Variants in EIF4G3 observed in about 807,000 individuals in gnomAD.
EIF4G3 encodes the protein eIF-4-gamma 3.
EIF4G3 carries 34 observed loss-of-function variants against 186.4 expected under a neutral mutation model. The ratio of observed to expected loss-of-function variants is 0.18; its 90% CI spans 0.14 to 0.24. The LOEUF (loss-of-function observed/expected upper bound fraction) is 0.24. EIF4G3 is among the 10% of genes least tolerant of loss of function. EIF4G3 has a pLI of 1.00. For missense variants in EIF4G3, 1,536 were observed against 1,948.5 expected (o/e 0.79, Z 3.99); for synonymous variants, 673 against 679.5 (o/e 0.99, Z 0.15).
At chr1:20,817,144 C>T (rs1163595488) in intron 34 of EIF4G3, among the ~76,000 whole-genome samples, 1 of 140,256 alleles carries the variant, frequency 7.1e-6, no homozygotes, top group Non-Finnish European at 1.5e-5. Flanking sequence ...AAACCAGAGA[C>T]CTTTGTTCAC....
At chr1:20,882,587 C>T (rs576426673) in intron 19 of EIF4G3, among the ~76,000 whole-genome samples, 3 of 151,216 alleles carry the variant, frequency 2.0e-5, no homozygotes, top group Non-Finnish European at 2.9e-5. Context: ...CGTCACTGTA[C>T]TCCAGCCAGG....
chr1:21,164,608 C>G (rs1257267664), intron 2 of EIF4G3, among the ~76,000 whole-genome samples: 1 of 152,118 alleles, frequency 6.6e-6, no homozygotes, highest in Non-Finnish European at 1.5e-5. Context: ...CACCTATAAT[C>G]CCGCATTTTG....
intron 19 of EIF4G3, among the ~76,000 whole-genome samples, chr1:20,884,373 T>G (rs966924247): frequency 3.9e-5 from 6 of 152,174 alleles, no homozygotes; most frequent in Non-Finnish European, 8.8e-5. Flanking sequence ...AAGCTTCAGT[T>G]TCCTCATGAA....
At chr1:21,132,897 C>G (rs899188879) in intron 2 of EIF4G3, among the ~76,000 whole-genome samples, 1 of 152,122 alleles carries the variant, frequency 6.6e-6, no homozygotes, top group African/African-American at 2.4e-5. Flanking sequence ...ATTCTCCTGC[C>G]TCAGCCTCCC....
intron 13 of EIF4G3, among the ~76,000 whole-genome samples, chr1:20,943,488 G>C (rs1007367049): frequency 1.3e-5 from 2 of 152,192 alleles, no homozygotes; most frequent in African/African-American, 2.4e-5. Flanking sequence ...ATTCATCCCT[G>C]AGTGGAGGAA....
intron 3 of EIF4G3, among the ~76,000 whole-genome samples, chr1:21,083,094 A>AC (rs1557874211): frequency 6.9e-6 from 1 of 144,400 alleles, no homozygotes; most frequent in African/African-American, 2.6e-5. Context: ...TTAGCTGGGC[A>AC]CGGTGGCTTG....
At position 20,853,632 on chromosome 1, in the gene EIF4G3, A is replaced by G. The variant is rs1044251532; in HGVS notation, c.3479T>C (p.Leu1160Pro). ...SASSLNRFSALQPPAPSGSTP... is the reference protein window; with the variant it reads ...SASSLNRFSAPQPPAPSGSTP... The stretch of plus-strand genomic sequence containing the variant: ...GGACCCTGAGGGTGCTGGAGGTTGC[A>G]GGGCAGAGAATCTGTTTAAACTGGA... The change falls in exon 27 of 37, where the codon CTG (leucine) becomes CCG (proline). Residue 1160 changes from leucine (L) to proline (P), a missense_variant. By Grantham distance (98) the Leu-to-Pro change is moderately conservative. Transcript: ENST00000602326. The G allele has an allele frequency of 1.2e-6, 2 of 1,613,958 alleles. No individual in the cohort carries two copies. Among genetic ancestry groups the G allele is most frequent in the African/African-American group, 1.3e-5 (1 of 74,926 alleles).
chr1:21,005,922 C>A (rs2084943527), intron 4 of EIF4G3, among the ~76,000 whole-genome samples: 1 of 152,154 alleles, frequency 6.6e-6, no homozygotes, highest in Non-Finnish European at 1.5e-5. Flanking sequence ...AGACTCTGTA[C>A]ACAAGTACTT....
chr1:20,813,097 TTAG>T, intron 35 of EIF4G3, 58 bp downstream of exon 35: 6 of 1,154,522 alleles, frequency 5.2e-6, no homozygotes, highest in Non-Finnish European at 7.8e-6. Context: ...AACTGTATAC[TTAG>T]TAGTTGACAT....
intron 16 of EIF4G3, 144 bp downstream of exon 16, chr1:20,899,553 T>C: frequency 2.0e-6 from 2 of 999,022 alleles, no homozygotes; most frequent in South Asian, 1.7e-5. Context: ...AGTCACTAAC[T>C]TGGGCTTGCT....
At chr1:20,927,148 A>C (rs1402877346) in intron 14 of EIF4G3, among the ~76,000 whole-genome samples, 1 of 151,798 alleles carries the variant, frequency 6.6e-6, no homozygotes, top group Non-Finnish European at 1.5e-5. Context: ...GGTTCAAGCA[A>C]TTCTCCTGCC....
At chr1:20,979,555 GA>G (rs2077532436) in intron 10 of EIF4G3, among the ~76,000 whole-genome samples, 1 of 152,164 alleles carries the variant, frequency 6.6e-6, no homozygotes, top group Admixed American at 6.5e-5. Context: ...AAGAGATTGT[GA>G]AAGGAGGATA....
rs1168761918 is a variant in EIF4G3 at position 21,053,269 on chromosome 1, C to T, written c.-195-2275G>A. On this transcript the variant is annotated intron_variant, in intron 3 of 36. Coordinates refer to ENST00000602326, the MANE Select transcript of EIF4G3 (RefSeq NM_001391906.1). ...GTGAGGAGACCCTCTGCCTGGCAACCGCCCCGTCTGAGAAGTGAGGAGCCC... is the reference window on the plus strand; with the variant it reads ...GTGAGGAGACCCTCTGCCTGGCAACTGCCCCGTCTGAGAAGTGAGGAGCCC... Among the ~76,000 whole-genome samples, 30 of 151,596 alleles carry T rather than the reference C, an allele frequency of 2.0e-4. 1 individual carries two copies. The South Asian group carries it at 5.4e-3, about 27-fold the overall frequency.
chr1:20,950,750 T>C (rs530291432), intron 12 of EIF4G3, among the ~76,000 whole-genome samples: 6 of 152,228 alleles, frequency 3.9e-5, no homozygotes, highest in East Asian at 3.9e-4. Context: ...TTCAGAGATA[T>C]AAGGAAACTC....
chr1:21,046,174 T>C (rs1462875613), intron 4 of EIF4G3, among the ~76,000 whole-genome samples: 6 of 152,214 alleles, frequency 3.9e-5, no homozygotes, highest in Admixed American at 1.3e-4. Flanking sequence ...GGTTTCAAGA[T>C]TGTTCAAAAG....
chr1:20,876,975 T>C (rs1379023736), intron 20 of EIF4G3, among the ~76,000 whole-genome samples: 1 of 152,188 alleles, frequency 6.6e-6, no homozygotes. Flanking sequence ...GCAAAAGACC[T>C]TGTCTCAAGC....
intron 3 of EIF4G3, among the ~76,000 whole-genome samples, chr1:21,061,693 G>A (rs1353252422): frequency 6.6e-6 from 1 of 150,562 alleles, no homozygotes; most frequent in African/African-American, 2.4e-5. Flanking sequence ...CATACTCAAG[G>A]TTGTGCTCAC....
intron 16 of EIF4G3, among the ~76,000 whole-genome samples, chr1:20,899,279 T>C (rs1387038884): frequency 2.0e-5 from 3 of 152,216 alleles, no homozygotes; most frequent in African/African-American, 7.2e-5. Flanking sequence ...ACTCAATACA[T>C]TGTTTCAGAA....
chr1:21,071,144 C>A lies in EIF4G3; in HGVS notation c.-196+17994G>T, dbSNP rs57049972. Among the ~76,000 whole-genome samples, 8 of 152,218 alleles carry A rather than the reference C, an allele frequency of 5.3e-5. No homozygotes were observed. The East Asian group carries it at 9.6e-4, about 18-fold the overall frequency. On this transcript the variant is annotated intron_variant, in intron 3 of 36. Transcript: ENST00000602326. ...TGTTAGCCAGGTGGCATGGCTCGTG[C>A]CTGTAATCTCAAAACCTTGAAAGGC... is the stretch of plus-strand genomic sequence containing the variant.
Sources: allele counts gnomAD v4.1 joint callset (sites outside exome capture counted in the v4.1 genomes callset), GRCh38; gene constraint gnomAD v4.1.1; transcripts MANE v1.5; gene names NCBI Gene and HGNC (gene_info 2026-07-23, HGNC 2026-07-21).